DAB1: variants seen among roughly 807,000 people sequenced by gnomAD.
DAB1 encodes the protein DAB adaptor protein 1.
DAB1 carries 15 observed loss-of-function variants against 64.6 expected under a neutral mutation model. The observed-to-expected ratio is 0.23, with a 90% CI of 0.16 to 0.36. The LOEUF is 0.36. Among genes scored for constraint, DAB1 ranks in the 10% least tolerant of loss-of-function variants. DAB1 has a pLI of 1.00. For synonymous variants in DAB1, 235 were observed against 251.9 expected (o/e 0.93, Z 0.64); for missense variants, 596 against 706.7 (o/e 0.84, Z 1.78).
intron 5 of DAB1, among the ~76,000 whole-genome samples, chr1:57,991,244 T>C (rs1363145173): frequency 6.6e-6 from 1 of 152,154 alleles, no homozygotes; most frequent in East Asian, 1.9e-4. Context: ...TTACCTCCAA[T>C]GAGTGTGGAA....
chr1:57,889,661 G>C (rs2101980322), intron 5 of DAB1, among the ~76,000 whole-genome samples: 1 of 152,324 alleles, frequency 6.6e-6, no homozygotes, highest in African/African-American at 2.4e-5. Flanking sequence ...ATGCAGGGGA[G>C]CTATGGACAG....
intron 1 of DAB1, among the ~76,000 whole-genome samples, chr1:57,340,230 A>T (rs1403207712): frequency 1.3e-5 from 2 of 152,220 alleles, no homozygotes; most frequent in African/African-American, 4.8e-5. Flanking sequence ...AACACCAAAC[A>T]AAAATGCAGA....
At chr1:57,475,352 C>T (rs577702187) in intron 7 of DAB1, among the ~76,000 whole-genome samples, 3 of 152,258 alleles carry the variant, frequency 2.0e-5, no homozygotes, top group Admixed American at 2.0e-4. Context: ...CCAGGTATGG[C>T]AAAGTGGAAG....
At chr1:57,213,244 TATC>T (rs1252138612) in intron 2 of DAB1, among the ~76,000 whole-genome samples, 2 of 152,230 alleles carry the variant, frequency 1.3e-5, no homozygotes, top group Admixed American at 6.5e-5. Context: ...TCTTAACTAT[TATC>T]ATTTCAACAT....
chr1:57,874,947 T>C (rs963612357), intron 1 of DAB1: 7 of 152,176 alleles, frequency 4.6e-5, no homozygotes, highest in African/African-American at 1.7e-4. Context: ...TACATGCTTC[T>C]AGAAACATTC....
intron 2 of DAB1, among the ~76,000 whole-genome samples, chr1:57,238,346 C>T (rs766269933): frequency 5.3e-5 from 8 of 152,206 alleles, no homozygotes; most frequent in Non-Finnish European, 1.0e-4. Flanking sequence ...TACAGCCATG[C>T]ACCTGTGCCA....
chr1:57,052,740 G>C (rs1183715021), intron 9 of DAB1, among the ~76,000 whole-genome samples: 1 of 152,134 alleles, frequency 6.6e-6, no homozygotes, highest in Non-Finnish European at 1.5e-5. Flanking sequence ...ATGTCCACTA[G>C]GGCAATCCCC....
intron 6 of DAB1, among the ~76,000 whole-genome samples, chr1:57,683,252 G>A (rs1215183478): frequency 6.6e-6 from 1 of 152,120 alleles, no homozygotes; most frequent in East Asian, 1.9e-4. Context: ...AAAGAACGTG[G>A]TCTATCTCCC....
chr1:58,492,792 A>G (rs1368294046), intron 3 of DAB1, among the ~76,000 whole-genome samples: 2 of 152,198 alleles, frequency 1.3e-5, no homozygotes, highest in Non-Finnish European at 2.9e-5. Flanking sequence ...CCAACCAAAA[A>G]AAGTCCAGGA....
At chr1:57,428,313 A>G (rs1685367688), upstream of DAB1, among the ~76,000 whole-genome samples, 2 of 151,910 alleles carry the variant, frequency 1.3e-5, no homozygotes, top group South Asian at 2.1e-4. Flanking sequence ...AAATCCCCCC[A>G]TTTTCCCCAC....
chr1:57,654,071 G>C (rs1398695667), intron 6 of DAB1, among the ~76,000 whole-genome samples: 2 of 152,116 alleles, frequency 1.3e-5, no homozygotes, highest in Admixed American at 1.3e-4. Flanking sequence ...TTCTCTACAT[G>C]CTAAAATACA....
At chr1:58,350,373 T>C (rs182012070) in intron 3 of DAB1, among the ~76,000 whole-genome samples, 29 of 152,292 alleles carry the variant, frequency 1.9e-4, no homozygotes, top group African/African-American at 5.8e-4. Flanking sequence ...GTCAGGCGGA[T>C]AGATTGTAAA....
At chr1:58,034,577 C>G (rs1419700912) in intron 5 of DAB1, among the ~76,000 whole-genome samples, 1 of 152,206 alleles carries the variant, frequency 6.6e-6, no homozygotes, top group African/African-American at 2.4e-5. Flanking sequence ...TGGTTCCAGT[C>G]TGCCAGATCG....
rs113115973 is a variant in DAB1, at chr1:58,386,496, T to C, written n.258-43093A>G. 4.2e-3 allele frequency among the ~76,000 whole-genome samples: 634 copies of C among 152,208 alleles called. 3 individuals are homozygous for C. Among genetic ancestry groups the C allele is most frequent in the African/African-American group, 0.015 (603 of 41,496 alleles). On this transcript the variant is annotated intron_variant and non_coding_transcript_variant, in intron 3 of 20. Transcript: ENST00000485760. ...GACAACCTTATGTGGTTGGTAAAATTGTTATTTCTATCTGACAAGTGAAAG... is the reference window on the plus strand; with the variant it reads ...GACAACCTTATGTGGTTGGTAAAATCGTTATTTCTATCTGACAAGTGAAAG...
At chr1:58,195,516 C>G (rs1657629802) in intron 4 of DAB1, among the ~76,000 whole-genome samples, 1 of 152,212 alleles carries the variant, frequency 6.6e-6, no homozygotes, top group South Asian at 2.1e-4. Context: ...AACAGACACA[C>G]AGGATAAAGG....
chr1:57,329,608 T>G (rs1338250574), intron 1 of DAB1, among the ~76,000 whole-genome samples: 1 of 148,344 alleles, frequency 6.7e-6, no homozygotes, highest in African/African-American at 2.5e-5. Context: ...TATTGATGCA[T>G]CATGTTCATT....
intron 5 of DAB1, among the ~76,000 whole-genome samples, chr1:57,939,692 G>A (rs1159277862): frequency 6.6e-6 from 1 of 152,166 alleles, no homozygotes; most frequent in African/African-American, 2.4e-5. Context: ...CAAGCTTCTT[G>A]AGGATGTTGA....
intron 6 of DAB1, among the ~76,000 whole-genome samples, chr1:57,663,211 A>C (rs1646407437): frequency 6.6e-6 from 1 of 152,150 alleles, no homozygotes; most frequent in Non-Finnish European, 1.5e-5. Context: ...GAGGTGCCAC[A>C]CACTTTCAAA....
At position 57,840,930 on chromosome 1, in the gene DAB1, T is replaced by C. The variant is rs1409439237; in HGVS notation, n.88-14475A>G. On this transcript the variant is annotated intron_variant and non_coding_transcript_variant, in intron 1 of 1. Coordinates refer to the DAB1 transcript ENST00000477280. ...AAAACCAATCATGCCTTCCCAACAG[T>C]CCCTCAAAGTCTTAACTCATTCCAG... Among the ~76,000 whole-genome samples the C allele has an allele frequency of 2.6e-5, 4 of 152,248 alleles. No individual in the cohort carries two copies. In the East Asian group the frequency reaches 7.7e-4, roughly 29 times the overall value.
Sources: allele counts gnomAD v4.1 joint callset (sites outside exome capture counted in the v4.1 genomes callset), GRCh38; gene constraint gnomAD v4.1.1; transcripts MANE v1.5; gene names NCBI Gene and HGNC (gene_info 2026-07-23, HGNC 2026-07-21).